PCDHGA2: variants seen among roughly 807,000 people sequenced by gnomAD.
PCDHGA2 encodes the protein protocadherin gamma subfamily A, 2, also known as protocadherin gamma-A2.
PCDHGA2 carries 40 observed loss-of-function variants against 59.2 expected under a neutral mutation model. The observed-to-expected ratio is 0.68, with a 90% confidence interval of 0.52 to 0.88. The LOEUF (loss-of-function observed/expected upper bound fraction) is 0.88. PCDHGA2 is among the 40% of genes least tolerant of loss of function. PCDHGA2 has a pLI of 0.00. For synonymous variants in PCDHGA2, 560 were observed against 526.0 expected, an observed-to-expected ratio of 1.06 and a Z score of -0.89; for missense variants, 1,226 against 1,204.0, an observed-to-expected ratio of 1.02 and a Z score of -0.27.
At chr5:141,461,312 C>T (rs1318872213) in intron 1 of PCDHGA2, among the ~76,000 whole-genome samples, 1 of 152,064 alleles carries the variant, frequency 6.6e-6, no homozygotes, top group African/African-American at 2.4e-5. Flanking sequence ...TGTTTTTTGA[C>T]TTTTTAATAA....
intron 1 of PCDHGA2, chr5:141,423,971 G>T: frequency 8.8e-7 from 1 of 1,136,014 alleles, no homozygotes; most frequent in Non-Finnish European, 1.1e-6. Context: ...TCTATTATCA[G>T]TGTATGAGGC....
At chr5:141,404,795 G>C (rs769293241) in intron 1 of PCDHGA2, 4 of 1,614,042 alleles carry the variant, frequency 2.5e-6, no homozygotes, top group Admixed American at 1.7e-5. Flanking sequence ...CAGTGAGCCA[G>C]GGCTCTTCTC....
chr5:141,413,400 G>A (rs1328176117), intron 1 of PCDHGA2: 4 of 1,614,060 alleles, frequency 2.5e-6, no homozygotes, highest in Non-Finnish European at 2.5e-6. Context: ...CCAGAGGTAG[G>A]ACGCAGCTTT....
chr5:141,467,912 G>A (rs879405529), intron 1 of PCDHGA2, among the ~76,000 whole-genome samples: 1 of 152,086 alleles, frequency 6.6e-6, no homozygotes, highest in Admixed American at 6.6e-5. Context: ...GCCCACCTCA[G>A]CCTCCCAAAA....
chr5:141,384,588 G>A, intron 1 of PCDHGA2: 1 of 1,614,242 alleles, frequency 6.2e-7, no homozygotes, highest in Non-Finnish European at 8.5e-7. Flanking sequence ...CCGAGATCCT[G>A]TACCCGGCCC....
intron 1 of PCDHGA2, chr5:141,423,252 C>T (rs2096724826): frequency 1.2e-6 from 2 of 1,613,802 alleles, no homozygotes; most frequent in South Asian, 2.2e-5. Context: ...TCCTGGCGGA[C>T]CTCGGCAGCC....
At chr5:141,345,521 C>T in intron 1 of PCDHGA2, 1 of 1,614,154 alleles carries the variant, frequency 6.2e-7, no homozygotes, top group Non-Finnish European at 8.5e-7. Flanking sequence ...AGGACACTCT[C>T]CAGGGGGCGC....
chr5:141,365,977 C>A (rs1374916355), intron 1 of PCDHGA2: 5 of 1,614,110 alleles, frequency 3.1e-6, no homozygotes, highest in African/African-American at 2.7e-5. Context: ...TGTCGCTGAG[C>A]CTGTTTGTGC....
intron 1 of PCDHGA2, chr5:141,394,748 C>A: frequency 6.2e-7 from 1 of 1,613,414 alleles, no homozygotes. Flanking sequence ...TCGTGGTGGC[C>A]GTCCAGGACC....
chr5:141,487,593 C>G lies in PCDHGA2; in HGVS notation c.2425-7214C>G. The G allele has an allele frequency of 6.2e-7, 1 of 1,614,206 alleles. No homozygotes were observed. Among genetic ancestry groups the G allele is most frequent in the African/African-American group, 1.3e-5 (1 of 75,062 alleles). On this transcript the variant is annotated intron_variant, in intron 1 of 3. Coordinates refer to ENST00000394576, the MANE Select transcript of PCDHGA2 (RefSeq NM_018915.4). This position sits in a 1 kb window ranked among gnomAD's most constrained non-coding sequence, Gnocchi z 5.0. ...CCTGTTCGCCCAAGCTGCCCACCCT[C>G]TGATCTTCTCTATGGGCTAGAGGTG...
At chr5:141,419,475 C>G (rs775720158) in intron 1 of PCDHGA2, 2 of 1,612,266 alleles carry the variant, frequency 1.2e-6, no homozygotes, top group Admixed American at 1.7e-5. Context: ...GACCAGGGCT[C>G]GCCCGCGCTC....
chr5:141,409,178 G>A, intron 1 of PCDHGA2: 1 of 1,613,994 alleles, frequency 6.2e-7, no homozygotes, highest in Non-Finnish European at 8.5e-7. Context: ...GGACGGAGGT[G>A]GTCTCTCTAC....
At chr5:141,427,861 T>G (rs776215800) in intron 1 of PCDHGA2, 2 of 1,556,958 alleles carry the variant, frequency 1.3e-6, no homozygotes, top group Admixed American at 1.7e-5. Flanking sequence ...CTGTGCGCCT[T>G]CGAGCTCACG....
At chr5:141,465,779 G>A (rs1199779963) in intron 1 of PCDHGA2, among the ~76,000 whole-genome samples, 2 of 145,170 alleles carry the variant, frequency 1.4e-5, no homozygotes, top group African/African-American at 5.0e-5. Flanking sequence ...TCTTGTTACA[G>A]TTTTTTTTTT....
At chr5:141,449,156 G>T (rs4432943) in intron 1 of PCDHGA2, among the ~76,000 whole-genome samples, 84,481 of 151,978 alleles carry the variant, frequency 0.56, 26,202 homozygotes, top group African/African-American at 0.85. Context: ...GGTCAAAGAG[G>T]AAATAGGTGT....
chr5:141,386,941 C>A (rs1391826060), intron 1 of PCDHGA2, among the ~76,000 whole-genome samples: 1 of 152,212 alleles, frequency 6.6e-6, no homozygotes, highest in Non-Finnish European at 1.5e-5. Context: ...AGGTAGGAAG[C>A]AGTGCTTCAG....
intron 3 of PCDHGA2, among the ~76,000 whole-genome samples, chr5:141,506,866 T>C (rs1182560001): frequency 2.6e-5 from 4 of 152,104 alleles, no homozygotes; most frequent in Admixed American, 2.6e-4. Context: ...GACTGGTGGG[T>C]AGAGAACCAG....
intron 1 of PCDHGA2, chr5:141,427,312 C>T (rs1438759401): frequency 4.4e-6 from 2 of 456,954 alleles, no homozygotes; most frequent in East Asian, 6.9e-5. Context: ...GACAATGCCC[C>T]AGACGTGGTT....
intron 1 of PCDHGA2, chr5:141,375,727 G>T (rs1771811677): frequency 6.2e-7 from 1 of 1,614,262 alleles, no homozygotes; most frequent in East Asian, 2.2e-5. Flanking sequence ...ACGTGTCACT[G>T]AGCCTGTTTG....
Sources: gnomAD v4.1 joint callset for allele counts (sites outside exome capture counted in the v4.1 genomes callset) on GRCh38, gnomAD v4.1.1 for gene constraint, Gnocchi (gnomAD v3.1) non-coding constraint, MANE v1.5 for transcripts, NCBI Gene and HGNC (gene_info 2026-07-23, HGNC 2026-07-21) for gene names.